EYS: variants seen among roughly 807,000 people sequenced by gnomAD.
The protein encoded by EYS is protein eyes shut homolog.
EYS carries 250 observed loss-of-function variants against 282.1 expected under a neutral mutation model. The ratio of observed to expected loss-of-function variants is 0.89; its 90% confidence interval spans 0.80 to 0.98. The LOEUF is 0.98. Among genes scored for constraint, EYS ranks in the 50% least tolerant of loss-of-function variants. The probability of loss-of-function intolerance (pLI) is 0.00; values close to 1 mark genes in which losing one functional copy is unlikely to be tolerated. For synonymous variants in EYS, 1,355 were observed against 1,282.9 expected (o/e 1.06, Z -1.20); for missense variants, 4,016 against 3,709.0 (o/e 1.08, Z -2.15).
chr6:65,326,420 TAA>T (rs921640012), intron 11 of EYS, among the ~76,000 whole-genome samples: 19 of 151,548 alleles, frequency 1.3e-4, no homozygotes, highest in African/African-American at 4.6e-4. Context: ...TATTTATATA[TAA>T]GATATACATA....
At chr6:65,192,117 C>T (rs1364101877) in intron 12 of EYS, among the ~76,000 whole-genome samples, 1 of 151,664 alleles carries the variant, frequency 6.6e-6, no homozygotes, top group Admixed American at 6.6e-5. Context: ...GTGTTAGAAG[C>T]TCAGTATGAT....
intron 5 of EYS, among the ~76,000 whole-genome samples, chr6:65,422,866 C>T (rs1446503243): frequency 1.3e-5 from 2 of 151,262 alleles, no homozygotes. Flanking sequence ...ATGTGTACAT[C>T]CTACAAAGGA....
intron 5 of EYS, among the ~76,000 whole-genome samples, chr6:65,414,280 C>A (rs1407104913): frequency 6.6e-6 from 1 of 152,080 alleles, no homozygotes; most frequent in Non-Finnish European, 1.5e-5. Context: ...GGAATTCTGG[C>A]ATTTACTGCT....
At chr6:64,054,564 T>C (rs2149846421) in intron 33 of EYS, among the ~76,000 whole-genome samples, 1 of 151,438 alleles carries the variant, frequency 6.6e-6, no homozygotes, top group South Asian at 2.1e-4. Flanking sequence ...AAAGGGGAGG[T>C]TTTCTATTGT....
At chr6:63,998,696 CT>C (rs746207746) in intron 34 of EYS, among the ~76,000 whole-genome samples, 12 of 151,924 alleles carry the variant, frequency 7.9e-5, no homozygotes, top group Admixed American at 3.3e-4. Flanking sequence ...TGGGAACGGC[CT>C]TTTTTAACAG....
intron 28 of EYS, among the ~76,000 whole-genome samples, chr6:64,405,480 C>A (rs1351950347): frequency 6.6e-6 from 1 of 152,080 alleles, no homozygotes; most frequent in African/African-American, 2.4e-5. Flanking sequence ...TCTGGCCCGG[C>A]AATCAAGCAA....
chr6:65,653,655 T>G (rs530203205), intron 1 of EYS, among the ~76,000 whole-genome samples: 1 of 152,066 alleles, frequency 6.6e-6, no homozygotes, highest in African/African-American at 2.4e-5. Context: ...ACTGCACTGG[T>G]TTGTCATCTC....
At chr6:65,364,517 G>A (rs974531602) in intron 8 of EYS, among the ~76,000 whole-genome samples, 7 of 135,932 alleles carry the variant, frequency 5.1e-5, no homozygotes, top group African/African-American at 1.9e-4. Flanking sequence ...CCTCATAAAA[G>A]AGATCAAATT....
At chr6:64,360,331 T>A (rs1176675849) in intron 29 of EYS, among the ~76,000 whole-genome samples, 1 of 151,680 alleles carries the variant, frequency 6.6e-6, no homozygotes, top group African/African-American at 2.4e-5. Context: ...CATGTTGTGA[T>A]ATTTGGAGGG....
chr6:64,215,570 T>C (rs4710470), intron 31 of EYS, among the ~76,000 whole-genome samples: 151,401 of 152,198 alleles, frequency 0.99, 75,310 homozygotes, highest in East Asian at 1. Flanking sequence ...AATTTCTATA[T>C]TTTTTCATTT....
intron 12 of EYS, among the ~76,000 whole-genome samples, chr6:65,284,750 CAGATGAATGGAT>C (rs1352707713): frequency 4.6e-5 from 7 of 152,034 alleles, no homozygotes; most frequent in African/African-American, 1.7e-4. Context: ...AGGTTGTTAA[CAGATGAATGGAT>C]GGATGAATCC....
chr6:65,243,669 T>C (rs912967747), intron 12 of EYS, among the ~76,000 whole-genome samples: 1 of 152,180 alleles, frequency 6.6e-6, no homozygotes, highest in Non-Finnish European at 1.5e-5. Flanking sequence ...TGAGAGGACA[T>C]GCTGAGCAAC....
intron 7 of EYS, among the ~76,000 whole-genome samples, chr6:65,394,310 G>A (rs1006474430): frequency 3.3e-5 from 5 of 151,876 alleles, no homozygotes; most frequent in African/African-American, 1.2e-4. Context: ...AAGTGATTTT[G>A]GTGAATAAAC....
At chr6:64,958,763 A>AAT (rs1328025868) in intron 14 of EYS, among the ~76,000 whole-genome samples, 1 of 147,778 alleles carries the variant, frequency 6.8e-6, no homozygotes, top group African/African-American at 2.5e-5. Flanking sequence ...AAAAAAAAAA[A>AAT]GAAACAATCT....
chr6:64,138,612 T>C (rs1194880275), intron 31 of EYS, among the ~76,000 whole-genome samples: 1 of 152,184 alleles, frequency 6.6e-6, no homozygotes, highest in Non-Finnish European at 1.5e-5. Flanking sequence ...ATAGGGCATT[T>C]GGGAGAGTGC....
At chr6:65,251,871 C>T (rs1562050857) in intron 12 of EYS, among the ~76,000 whole-genome samples, 1 of 148,734 alleles carries the variant, frequency 6.7e-6, no homozygotes, top group African/African-American at 2.6e-5. Context: ...CCCTGTGCCA[C>T]ATCCCTTTTT....
At chr6:63,928,586 G>GATA (rs1164613251) in intron 35 of EYS, among the ~76,000 whole-genome samples, 1 of 152,028 alleles carries the variant, frequency 6.6e-6, no homozygotes. Flanking sequence ...AGGTGGGCAT[G>GATA]ATAATAAGTA....
intron 13 of EYS, among the ~76,000 whole-genome samples, chr6:65,019,059 G>A (rs1300029349): frequency 6.6e-6 from 1 of 152,078 alleles, no homozygotes; most frequent in Non-Finnish European, 1.5e-5. Flanking sequence ...GAGAAAGACT[G>A]GGTGCCATAT....
At chr6:65,092,942 A>C (rs2150178836) in intron 12 of EYS, among the ~76,000 whole-genome samples, 1 of 152,250 alleles carries the variant, frequency 6.6e-6, no homozygotes, top group South Asian at 2.1e-4. Context: ...AACTTCCCAA[A>C]GTTTTGGAAG....
Sources: gnomAD v4.1 joint callset for allele counts (sites outside exome capture counted in the v4.1 genomes callset) on GRCh38, gnomAD v4.1.1 for gene constraint, MANE v1.5 for transcripts, NCBI Gene and HGNC (gene_info 2026-07-23, HGNC 2026-07-21) for gene names.